The following PEX5L variants were observed in gnomAD, a reference collection of about 807,000 sequenced individuals.
PEX5L encodes the protein PEX5-related protein.
PEX5L carries 30 observed loss-of-function variants against 84.0 expected under a neutral mutation model. The observed-to-expected ratio is 0.36, with a 90% CI of 0.27 to 0.48. The LOEUF is 0.48. PEX5L is among the 20% of genes least tolerant of loss of function. PEX5L has a pLI of 0.99. For missense variants in PEX5L, 533 were observed against 754.6 expected, an observed-to-expected ratio of 0.71 and a Z score of 3.44; for synonymous variants, 270 against 283.1, an observed-to-expected ratio of 0.95 and a Z score of 0.46.
At chr3:179,806,537 G>T (rs1721368367) in intron 14 of PEX5L, among the ~76,000 whole-genome samples, 1 of 152,108 alleles carries the variant, frequency 6.6e-6, no homozygotes, top group South Asian at 2.1e-4. Context: ...GTTTGCCAGT[G>T]GCAAAATGCA....
intron 8 of PEX5L, among the ~76,000 whole-genome samples, chr3:179,853,824 T>C (rs1431657080): frequency 1.3e-5 from 2 of 151,348 alleles, no homozygotes; most frequent in Non-Finnish European, 2.9e-5. Flanking sequence ...CTTCTTCTTC[T>C]TTTTGGAGGT....
At chr3:179,900,653 T>C in intron 2 of PEX5L, 1 of 1,515,538 alleles carries the variant, frequency 6.6e-7, no homozygotes, top group Non-Finnish European at 8.9e-7. Context: ...TTTTTATTTC[T>C]TGCAGAAAAA....
At chr3:179,932,219 C>G (rs1773308967) in intron 2 of PEX5L, among the ~76,000 whole-genome samples, 1 of 151,984 alleles carries the variant, frequency 6.6e-6, no homozygotes, top group Admixed American at 6.6e-5. Context: ...AAATAGGGTT[C>G]AAAACCTCAG....
At chr3:179,993,539 AC>A (rs1787579509) in intron 1 of PEX5L, among the ~76,000 whole-genome samples, 1 of 152,074 alleles carries the variant, frequency 6.6e-6, no homozygotes, top group Non-Finnish European at 1.5e-5. Context: ...TCACTCTGTC[AC>A]CCAGGTTGGA....
intron 1 of PEX5L, among the ~76,000 whole-genome samples, chr3:180,011,049 C>T (rs76297246): frequency 2.5e-3 from 374 of 152,208 alleles, no homozygotes; most frequent in Middle Eastern, 0.017. Context: ...ACCTCACACA[C>T]GGCCCAGATA....
intron 1 of PEX5L, among the ~76,000 whole-genome samples, chr3:180,016,972 A>C (rs1043046578): frequency 2.0e-5 from 3 of 152,198 alleles, no homozygotes; most frequent in Admixed American, 2.0e-4. Flanking sequence ...CTTTTTATGT[A>C]AAAAGAGTGA....
At chr3:179,849,681 A>G (rs1035077522) in intron 8 of PEX5L, among the ~76,000 whole-genome samples, 1 of 152,246 alleles carries the variant, frequency 6.6e-6, no homozygotes, top group Non-Finnish European at 1.5e-5. Flanking sequence ...ATTGTCCTGG[A>G]CATGCCAATG....
intron 1 of PEX5L, among the ~76,000 whole-genome samples, chr3:180,003,485 T>C (rs1788609178): frequency 6.6e-6 from 1 of 152,164 alleles, no homozygotes; most frequent in Admixed American, 6.5e-5. Context: ...GTATTAGTGA[T>C]ATTTTAATTT....
At chr3:180,035,201 T>G (rs1339258051) in intron 1 of PEX5L, among the ~76,000 whole-genome samples, 1 of 152,200 alleles carries the variant, frequency 6.6e-6, no homozygotes, top group African/African-American at 2.4e-5. Flanking sequence ...ATTGTAAGTA[T>G]CATTCTTGGG....
chr3:179,936,090 G>C (rs549531197), intron 2 of PEX5L, among the ~76,000 whole-genome samples: 2 of 152,232 alleles, frequency 1.3e-5, no homozygotes, highest in East Asian at 3.9e-4. Flanking sequence ...AACACAAAAC[G>C]AATCAAGACA....
In PEX5L at chr3:179,813,956, G is replaced by A. The variant is rs533681157; in HGVS notation, c.1083+1905C>T. On this transcript the variant is annotated intron_variant, in intron 10 of 14. Coordinates refer to ENST00000467460, the MANE Select transcript of PEX5L (RefSeq NM_016559.3). Reference sequence around the variant, plus strand: ...CTCCCAAAGTGCTGGGATTACAGGCGTGAGCCACCGCGCCCGGCCATTTTT... The same window carrying A: ...CTCCCAAAGTGCTGGGATTACAGGCATGAGCCACCGCGCCCGGCCATTTTT... Among the ~76,000 whole-genome samples the A allele has an allele frequency of 5.4e-4, 82 of 150,656 alleles. 1 individual carries two copies. The highest frequency in any genetic ancestry group is 1.1e-3 in the Non-Finnish European group (72 of 67,692).
chr3:179,830,206 T>C (rs1732272744), intron 8 of PEX5L, among the ~76,000 whole-genome samples: 1 of 152,104 alleles, frequency 6.6e-6, no homozygotes, highest in Non-Finnish European at 1.5e-5. Flanking sequence ...CCTGTTTCAT[T>C]TTGGCAGAGA....
At chr3:179,857,811 A>G (rs1344862283) in intron 8 of PEX5L, among the ~76,000 whole-genome samples, 1 of 152,230 alleles carries the variant, frequency 6.6e-6, no homozygotes, top group Non-Finnish European at 1.5e-5. Flanking sequence ...TTTAAAGTAA[A>G]TTGAGCTACA....
chr3:179,811,758 A>C (rs762436194), intron 11 of PEX5L, 43 bp downstream of exon 11: 44 of 1,335,664 alleles, frequency 3.3e-5, no homozygotes, highest in Non-Finnish European at 4.6e-5. Flanking sequence ...GTTCATTAAC[A>C]AGTATCCACC....
At chr3:179,837,665 A>G (rs1735461293) in intron 8 of PEX5L, among the ~76,000 whole-genome samples, 1 of 152,172 alleles carries the variant, frequency 6.6e-6, no homozygotes, top group Non-Finnish European at 1.5e-5. Flanking sequence ...ACTTGTTCGC[A>G]CTATCTGTTC....
chr3:179,889,850 A>G (rs1757071637), intron 3 of PEX5L, among the ~76,000 whole-genome samples: 1 of 152,214 alleles, frequency 6.6e-6, no homozygotes, highest in Non-Finnish European at 1.5e-5. Flanking sequence ...GCTATGGTCT[A>G]TTTGAGTTTA....
At chr3:179,881,823 T>C (rs1215124123) in intron 4 of PEX5L, among the ~76,000 whole-genome samples, 1 of 152,188 alleles carries the variant, frequency 6.6e-6, no homozygotes, top group Non-Finnish European at 1.5e-5. Flanking sequence ...AGTGTCAGCT[T>C]ATCTCAACAG....
Position 179,800,131 on chromosome 3 carries a change from AAC to A in PEX5L, c.*1695_*1696del, listed in dbSNP as rs1718419778. On this transcript the variant is annotated 3_prime_UTR_variant, in exon 15 of 15. Transcript: ENST00000467460. Reference sequence around the variant, plus strand: ...CTCACAACCCAAGGACTTCAGATGTAACAGAGGAGAGGATTTTATTCCTGTAC... The same window carrying A: ...CTCACAACCCAAGGACTTCAGATGTAAGAGGAGAGGATTTTATTCCTGTAC... 1 of 152,236 alleles carries A rather than the reference AAC, an allele frequency of 6.6e-6. No homozygotes were observed. The highest frequency in any genetic ancestry group is 2.1e-4 in the South Asian group (1 of 4,828). 9.4% of individuals were successfully genotyped at this position (152,236 alleles called of 1,614,324 possible). A position where few individuals can be genotyped will look rare whatever the true frequency, so the allele number is the denominator to read the frequency against.
intron 2 of PEX5L, among the ~76,000 whole-genome samples, chr3:179,941,492 T>A (rs1776080341): frequency 6.6e-6 from 1 of 152,196 alleles, no homozygotes; most frequent in African/African-American, 2.4e-5. Flanking sequence ...AATAACTTTA[T>A]CAGGTTGGTG....
Sources: gnomAD v4.1 joint callset for allele counts (sites outside exome capture counted in the v4.1 genomes callset) on GRCh38, gnomAD v4.1.1 for gene constraint, MANE v1.5 for transcripts, NCBI Gene and HGNC (gene_info 2026-07-23, HGNC 2026-07-21) for gene names.